The following OR11H6 variants were observed in gnomAD, a reference collection of about 807,000 sequenced individuals.
The protein encoded by OR11H6 is olfactory receptor 11H6.
In OR11H6, 4 loss-of-function variants were observed where a neutral mutation model predicts 9.2. The ratio of observed to expected loss-of-function variants is 0.44; its 90% CI spans 0.21 to 1.00. The LOEUF is 1.00. OR11H6 is among the 50% of genes least tolerant of loss of function. The probability of loss-of-function intolerance (pLI) is 0.26; values close to 1 mark genes in which losing one functional copy is unlikely to be tolerated. For synonymous variants in OR11H6, 136 were observed against 148.9 expected (o/e 0.91, Z 0.63); for missense variants, 381 against 390.9 (o/e 0.97, Z 0.21).
rs763089829 is a variant in OR11H6 at position 20,224,131 on chromosome 14, AC to A, written c.424del (p.Leu142TrpfsTer13). ...FFLSVMAYDR[Y>X]LAICRPLHYP... ...TTATCAGTTATGGCTTATGATCGGTACCTGGCCATCTGTCGTCCATTACACT... is the reference window on the plus strand; with the variant it reads ...TTATCAGTTATGGCTTATGATCGGTACTGGCCATCTGTCGTCCATTACACT... On this transcript the variant is annotated frameshift_variant, in exon 1 of 1. Transcript: ENST00000315519. LOFTEE classifies it high-confidence loss of function. The A allele has an allele frequency of 1.3e-5, 21 of 1,613,876 alleles. No individual in the cohort carries two copies. The highest frequency in any genetic ancestry group is 1.8e-5 in the Non-Finnish European group (21 of 1,179,820).
Position 20,224,085 on chromosome 14 carries a change from G to A in OR11H6, c.376G>A (p.Gly126Ser), listed in dbSNP as rs772896053. 6 of 1,613,588 alleles carry A rather than the reference G, an allele frequency of 3.7e-6. 2 individuals carry two copies. In the South Asian group the frequency reaches 5.5e-5, roughly 15 times the overall value. The change falls in exon 1 of 1, where the codon GGT becomes AGT. Residue 126 changes from glycine to serine, a missense_variant. Gly to Ser is a moderately conservative substitution (Grantham distance 56). Transcript: ENST00000315519. ...FLQFYFFFSL[G>S]TTECFFLSVM... is the part of the protein sequence containing the mutation. ...GCAATTCTATTTCTTTTTTTCACTG[G>A]GTACAACAGAGTGTTTCTTTTTATC...
At position 20,224,504 on chromosome 14, in the gene OR11H6, G is replaced by A; in HGVS notation, c.795G>A (p.Val265=). 6.2e-7 allele frequency: 1 copy of A among 1,613,974 alleles called. No homozygotes were observed. Among genetic ancestry groups the A allele is most frequent in the Non-Finnish European group, 8.5e-7 (1 of 1,179,898 alleles). The change falls in exon 1 of 1, where the codon GTG becomes GTA. Residue 265 remains valine (V), a synonymous_variant. Coordinates refer to ENST00000315519, the MANE Select transcript of OR11H6 (RefSeq NM_001004480.1). ...CCACATGTGGGTCCCACCTAATGGTGGTGTCTCTATTCTATGGAACCCTTA... is the reference window on the plus strand; with the variant it reads ...CCACATGTGGGTCCCACCTAATGGTAGTGTCTCTATTCTATGGAACCCTTA... ...AFSTCGSHLM[V]VSLFYGTLMV...
Position 20,224,676 on chromosome 14 carries a change from C to T in OR11H6, c.967C>T (p.Leu323=), listed in dbSNP as rs967644040. 7.5e-6 allele frequency: 12 copies of T among 1,609,366 alleles called. No homozygotes were observed. Among genetic ancestry groups the T allele is most frequent in the Admixed American group, 1.7e-5 (1 of 59,326 alleles). The change falls in exon 1 of 1, where the codon CTG becomes TTG. Residue 323 remains leucine, a synonymous_variant. Coordinates refer to ENST00000315519, the MANE Select transcript of OR11H6 (RefSeq NM_001004480.1). Reference sequence around the variant, plus strand: ...CATGAAAGATGCTCTAAAGAGAGTCCTGGGGTTAACAGTTAGCCAAAACTG... The same window carrying T: ...CATGAAAGATGCTCTAAAGAGAGTCTTGGGGTTAACAGTTAGCCAAAACTG... ...KDMKDALKRV[L]GLTVSQN is the part of the protein sequence containing the mutation.
Position 20,224,650 on chromosome 14 carries a change from A to G in OR11H6, c.941A>G (p.Asp314Gly). The G allele has an allele frequency of 6.2e-7, 1 of 1,613,574 alleles. No individual in the cohort carries two copies. The highest frequency in any genetic ancestry group is 1.3e-5 in the African/African-American group (1 of 75,040). ...CTTATCTATAGTCTTCGAAACAAAGACATGAAAGATGCTCTAAAGAGAGTC... is the reference window on the plus strand; with the variant it reads ...CTTATCTATAGTCTTCGAAACAAAGGCATGAAAGATGCTCTAAAGAGAGTC... ...NPLIYSLRNK[D>G]MKDALKRVLG... Residue 314 changes from aspartate (D) to glycine (G), a missense_variant, in exon 1 of 1, where the codon GAC (aspartate) becomes GGC (glycine). By Grantham distance (94) the Asp-to-Gly change is moderately conservative. Transcript: ENST00000315519.
Position 20,223,949 on chromosome 14 carries a change from T to C in OR11H6, c.240T>C (p.Leu80=). The C allele has an allele frequency of 6.2e-7, 1 of 1,614,166 alleles. No individual in the cohort carries two copies. The highest frequency in any genetic ancestry group is 1.6e-4 in the Middle Eastern group (1 of 6,062). ...DRRLHTPMYI[L]LGNFAFLEIW... ...GGCTCCACACACCCATGTACATCCT[T>C]CTGGGAAACTTTGCCTTTCTAGAGA... The change falls in exon 1 of 1, where the codon CTT becomes CTC. Residue 80 remains leucine, a synonymous_variant. Coordinates refer to ENST00000315519, the MANE Select transcript of OR11H6 (RefSeq NM_001004480.1).
rs1317016807 is a variant in OR11H6, at chr14:20,224,374, C to A, written c.665C>A (p.Ser222Ter). ...GAGCTTATCTGTTACACCTTCAACT[C>A]GATGATTATCTTTGGGCCCTTCCTC... Reference protein sequence around the residue: ...STELICYTFNSMIIFGPFLSI... With the variant: ...STELICYTFN The change falls in exon 1 of 1, where the codon TCG becomes TAG. Residue 222 changes from serine (S) to a stop codon, truncating the protein, a stop_gained. Coordinates refer to ENST00000315519, the MANE Select transcript of OR11H6 (RefSeq NM_001004480.1). LOFTEE classifies it high-confidence loss of function. 6.2e-7 allele frequency: 1 copy of A among 1,614,078 alleles called. No individual in the cohort carries two copies. The highest frequency in any genetic ancestry group is 8.5e-7 in the Non-Finnish European group (1 of 1,179,962).
rs377239717 is a variant in OR11H6 at position 20,223,942 on chromosome 14, A to G, written c.233A>G (p.Tyr78Cys). The G allele has an allele frequency of 3.1e-6, 5 of 1,614,028 alleles. No homozygotes were observed. The highest frequency in any genetic ancestry group is 4.2e-6 in the Non-Finnish European group (5 of 1,180,022). ...GACAGGCGGCTCCACACACCCATGT[A>G]CATCCTTCTGGGAAACTTTGCCTTT... ...KLDRRLHTPM[Y>C]ILLGNFAFLE... The change falls in exon 1 of 1, where the codon TAC (tyrosine) becomes TGC (cysteine). Residue 78 changes from tyrosine (Y) to cysteine (C), a missense_variant. Physicochemically the swap from Tyr to Cys is radical, Grantham distance 194. Transcript: ENST00000315519.
Position 20,224,561 on chromosome 14 carries a change from C to A in OR11H6, c.852C>A (p.Asn284Lys), listed in dbSNP as rs1880374223. ...MVMYVSPTSG[N>K]PAGMQKIITL... ...TGTATGTGAGCCCAACATCAGGGAA[C>A]CCAGCAGGAATGCAGAAGATCATCA... Residue 284 changes from asparagine (N) to lysine (K), a missense_variant, in exon 1 of 1, where the codon AAC becomes AAA. By Grantham distance (94) the Asn-to-Lys change is moderately conservative (BLOSUM62 0). Transcript: ENST00000315519. The A allele has an allele frequency of 1.2e-6, 2 of 1,613,892 alleles. No homozygotes were observed. Among genetic ancestry groups the A allele is most frequent in the South Asian group, 2.2e-5 (2 of 91,080 alleles).
At position 20,223,958 on chromosome 14, in the gene OR11H6, CTT is replaced by C; in HGVS notation, c.251_252del (p.Phe84CysfsTer22). 1 of 1,614,170 alleles carries C rather than the reference CTT, an allele frequency of 6.2e-7. No homozygotes were observed. Among genetic ancestry groups the C allele is most frequent in the Non-Finnish European group, 8.5e-7 (1 of 1,180,016 alleles). On this transcript the variant is annotated frameshift_variant, in exon 1 of 1. Coordinates refer to ENST00000315519, the MANE Select transcript of OR11H6 (RefSeq NM_001004480.1). LOFTEE classifies it high-confidence loss of function. ...CACCCATGTACATCCTTCTGGGAAA[CTT>C]TGCCTTTCTAGAGATCTGGTACATT... ...HTPMYILLGN[F>X]AFLEIWYISS...
In OR11H6 at chr14:20,223,982, C is replaced by T. The variant is rs764655923; in HGVS notation, c.273C>T (p.Tyr91=). ...LGNFAFLEIW[Y]ISSTVPNMLV... is the part of the protein sequence containing the mutation. ...ACTTTGCCTTTCTAGAGATCTGGTA[C>T]ATTTCCTCCACTGTCCCAAACATGC... Residue 91 remains tyrosine (Y), a synonymous_variant, in exon 1 of 1, where the codon TAC becomes TAT. Coordinates refer to ENST00000315519, the MANE Select transcript of OR11H6 (RefSeq NM_001004480.1). The T allele has an allele frequency of 3.1e-6, 5 of 1,614,056 alleles. No individual in the cohort carries two copies. Among genetic ancestry groups the T allele is most frequent in the East Asian group, 4.5e-5 (2 of 44,908 alleles).
rs139409894 is a variant in OR11H6 at position 20,223,944 on chromosome 14, A to C, written c.235A>C (p.Ile79Leu). 9 of 1,613,992 alleles carry C rather than the reference A, an allele frequency of 5.6e-6. No homozygotes were observed. The African/African-American group carries it at 1.1e-4, about 19-fold the overall frequency. The change falls in exon 1 of 1, where the codon ATC becomes CTC. Residue 79 changes from isoleucine to leucine, a missense_variant. Physicochemically the swap from Ile to Leu is conservative, Grantham distance 5. Transcript: ENST00000315519. The stretch of plus-strand genomic sequence containing the variant: ...CAGGCGGCTCCACACACCCATGTAC[A>C]TCCTTCTGGGAAACTTTGCCTTTCT... ...LDRRLHTPMYILLGNFAFLEI... is the reference protein window; with the variant it reads ...LDRRLHTPMYLLLGNFAFLEI...
Position 20,224,345 on chromosome 14 carries a change from C to T in OR11H6, c.636C>T (p.Ser212=). The change falls in exon 1 of 1, where the codon TCC becomes TCT. Residue 212 remains serine, a synonymous_variant. Coordinates refer to ENST00000315519, the MANE Select transcript of OR11H6 (RefSeq NM_001004480.1). ...LFALACISAP[S]TELICYTFNS... ...CACTGGCCTGCATCTCTGCTCCTTC[C>T]ACTGAGCTTATCTGTTACACCTTCA... 6.2e-7 allele frequency: 1 copy of T among 1,614,148 alleles called. No individual in the cohort carries two copies. Among genetic ancestry groups the T allele is most frequent in the Non-Finnish European group, 8.5e-7 (1 of 1,180,004 alleles).
chr14:20,224,129 G>A lies in OR11H6; in HGVS notation c.420G>A (p.Arg140=), dbSNP rs1050916515. ...CFFLSVMAYD[R]YLAICRPLHY... ...TTTTATCAGTTATGGCTTATGATCG[G>A]TACCTGGCCATCTGTCGTCCATTAC... is the stretch of plus-strand genomic sequence containing the variant. Residue 140 remains arginine (R), a synonymous_variant, in exon 1 of 1, where the codon CGG becomes CGA. Coordinates refer to ENST00000315519, the MANE Select transcript of OR11H6 (RefSeq NM_001004480.1). 1 of 1,613,600 alleles carries A rather than the reference G, an allele frequency of 6.2e-7. No individual in the cohort carries two copies. The highest frequency in any genetic ancestry group is 1.7e-5 in the Admixed American group (1 of 59,972).
In OR11H6 at chr14:20,224,212, T is replaced by C. The variant is rs750892845; in HGVS notation, c.503T>C (p.Val168Ala). Residue 168 changes from valine to alanine, a missense_variant, in exon 1 of 1, where the codon GTA becomes GCA. Physicochemically the swap from Val to Ala is moderately conservative, Grantham distance 64. Coordinates refer to ENST00000315519, the MANE Select transcript of OR11H6 (RefSeq NM_001004480.1). ...FCIILVCVCWVGGFLCYPVPI... is the reference protein window; with the variant it reads ...FCIILVCVCWAGGFLCYPVPI... The stretch of plus-strand genomic sequence containing the variant: ...ATAATTCTGGTCTGTGTATGCTGGG[T>C]AGGCGGATTTCTCTGCTATCCAGTC... The C allele has an allele frequency of 1.9e-6, 3 of 1,614,126 alleles. No individual in the cohort carries two copies. Among genetic ancestry groups the C allele is most frequent in the Non-Finnish European group, 2.5e-6 (3 of 1,180,010 alleles).
chr14:20,224,693 C>G lies in OR11H6; in HGVS notation c.984C>G (p.Ser328Arg), dbSNP rs1880377940. 3 of 1,593,544 alleles carry G rather than the reference C, an allele frequency of 1.9e-6. No homozygotes were observed. Among genetic ancestry groups the G allele is most frequent in the Non-Finnish European group, 2.6e-6 (3 of 1,171,852 alleles). The change falls in exon 1 of 1, where the codon AGC becomes AGG. Residue 328 changes from serine to arginine, a missense_variant. Coordinates refer to ENST00000315519, the MANE Select transcript of OR11H6 (RefSeq NM_001004480.1). ...ALKRVLGLTV[S>R]QN ...AGAGAGTCCTGGGGTTAACAGTTAGCCAAAACTGAGATATCTTTGAAAAAG... is the reference window on the plus strand; with the variant it reads ...AGAGAGTCCTGGGGTTAACAGTTAGGCAAAACTGAGATATCTTTGAAAAAG...
Position 20,224,686 on chromosome 14 carries a change from C to T in OR11H6, c.977C>T (p.Thr326Ile). The T allele has an allele frequency of 1.3e-6, 2 of 1,597,662 alleles. No individual in the cohort carries two copies. Among genetic ancestry groups the T allele is most frequent in the Non-Finnish European group, 1.7e-6 (2 of 1,173,704 alleles). ...GCTCTAAAGAGAGTCCTGGGGTTAA[C>T]AGTTAGCCAAAACTGAGATATCTTT... Reference protein sequence around the residue: ...KDALKRVLGLTVSQN With the variant: ...KDALKRVLGLIVSQN The change falls in exon 1 of 1, where the codon ACA becomes ATA. Residue 326 changes from threonine (T) to isoleucine (I), a missense_variant. Coordinates refer to ENST00000315519, the MANE Select transcript of OR11H6 (RefSeq NM_001004480.1).
chr14:20,224,312 A>G lies in OR11H6; in HGVS notation c.603A>G (p.Pro201=), dbSNP rs766849924. 1 of 1,613,818 alleles carries G rather than the reference A, an allele frequency of 6.2e-7. No individual in the cohort carries two copies. Among genetic ancestry groups the G allele is most frequent in the Non-Finnish European group, 8.5e-7 (1 of 1,179,814 alleles). Residue 201 remains proline (P), a synonymous_variant, in exon 1 of 1, where the codon CCA becomes CCG. Coordinates refer to ENST00000315519, the MANE Select transcript of OR11H6 (RefSeq NM_001004480.1). ...IIDHLVCDPG[P]LFALACISAP... is the part of the protein sequence containing the mutation. The stretch of plus-strand genomic sequence containing the variant: ...ACCACTTGGTGTGTGACCCAGGCCC[A>G]TTGTTTGCACTGGCCTGCATCTCTG...
In OR11H6 at chr14:20,224,092, C is replaced by G; in HGVS notation, c.383C>G (p.Thr128Arg). The G allele has an allele frequency of 1.9e-6, 3 of 1,613,752 alleles. No individual in the cohort carries two copies. Among genetic ancestry groups the G allele is most frequent in the Non-Finnish European group, 2.5e-6 (3 of 1,179,690 alleles). Residue 128 changes from threonine to arginine, a missense_variant, in exon 1 of 1, where the codon ACA (threonine) becomes AGA (arginine). Coordinates refer to ENST00000315519, the MANE Select transcript of OR11H6 (RefSeq NM_001004480.1). ...TATTTCTTTTTTTCACTGGGTACAA[C>G]AGAGTGTTTCTTTTTATCAGTTATG... is the stretch of plus-strand genomic sequence containing the variant. ...QFYFFFSLGT[T>R]ECFFLSVMAY... is the part of the protein sequence containing the mutation.
In OR11H6 at chr14:20,224,447, TC is replaced by T. The variant is rs796910807; in HGVS notation, c.741del (p.Ser248LeufsTer16). ...TLVIRAVLCI[P>X]SGAGRTKAFS... The stretch of plus-strand genomic sequence containing the variant: ...TGGTCATCAGAGCTGTGCTTTGTAT[TC>T]CCTCTGGTGCTGGTCGAACTAAAGC... On this transcript the variant is annotated frameshift_variant, in exon 1 of 1. Coordinates refer to ENST00000315519, the MANE Select transcript of OR11H6 (RefSeq NM_001004480.1). LOFTEE classifies it high-confidence loss of function. 1.2e-6 allele frequency: 2 copies of T among 1,614,104 alleles called. No homozygotes were observed. The highest frequency in any genetic ancestry group is 2.2e-5 in the South Asian group (2 of 91,076).
Sources: gnomAD v4.1 joint callset for allele counts on GRCh38, gnomAD v4.1.1 for gene constraint, MANE v1.5 for transcripts, NCBI Gene and HGNC (gene_info 2026-07-23, HGNC 2026-07-21) for gene names.